Variants in MACROD2 observed in about 807,000 individuals in gnomAD.
MACROD2 encodes the protein ADP-ribose glycohydrolase MACROD2.
In MACROD2, 36 loss-of-function variants were observed where a neutral mutation model predicts 70.4. The observed-to-expected ratio is 0.51, with a 90% CI of 0.39 to 0.68. The LOEUF (loss-of-function observed/expected upper bound fraction) is 0.68, where lower values mean the gene tolerates loss of function less well. MACROD2 is among the 30% of genes least tolerant of loss of function. The probability of loss-of-function intolerance (pLI) is 0.00; values close to 1 mark genes in which losing one functional copy is unlikely to be tolerated. For synonymous variants in MACROD2, 172 were observed against 178.8 expected, an observed-to-expected ratio of 0.96 and a Z score of 0.30; for missense variants, 496 against 538.4, an observed-to-expected ratio of 0.92 and a Z score of 0.78.
At chr20:14,053,339 A>G (rs967151267) in intron 2 of MACROD2, 3 of 152,158 alleles carry the variant, frequency 2.0e-5, no homozygotes, top group Non-Finnish European at 2.9e-5. Flanking sequence ...GGAGTAAATT[A>G]AGGAATGATT....
At chr20:15,396,412 C>T (rs778204565) in intron 6 of MACROD2, among the ~76,000 whole-genome samples, 2 of 152,244 alleles carry the variant, frequency 1.3e-5, no homozygotes, top group African/African-American at 4.8e-5. Flanking sequence ...CATGTGAGAT[C>T]GTATTTGAAC....
chr20:15,025,481 A>T (rs1411360832), intron 5 of MACROD2, among the ~76,000 whole-genome samples: 4 of 147,032 alleles, frequency 2.7e-5, no homozygotes, highest in Non-Finnish European at 6.0e-5. Flanking sequence ...AATGAAACAA[A>T]GGGGGTGGGG....
At chr20:14,662,152 C>A (rs558440428) in intron 4 of MACROD2, among the ~76,000 whole-genome samples, 3 of 151,866 alleles carry the variant, frequency 2.0e-5, no homozygotes, top group South Asian at 4.1e-4. Flanking sequence ...TACCAACATC[C>A]GTGGAACAGA....
chr20:16,025,453 A>C (rs1324085523), intron 15 of MACROD2, among the ~76,000 whole-genome samples: 1 of 152,240 alleles, frequency 6.6e-6, no homozygotes, highest in Non-Finnish European at 1.5e-5. Context: ...AGCAGTCAAG[A>C]CAAAAGCAAT....
At chr20:14,783,882 A>AT (rs1361627054) in intron 5 of MACROD2, among the ~76,000 whole-genome samples, 3 of 152,062 alleles carry the variant, frequency 2.0e-5, no homozygotes, top group Admixed American at 2.0e-4. Flanking sequence ...TTACCCAACT[A>AT]TTGTCAGTAA....
chr20:14,761,767 C>G (rs1249340771), intron 5 of MACROD2, among the ~76,000 whole-genome samples: 1 of 152,148 alleles, frequency 6.6e-6, no homozygotes, highest in Admixed American at 6.5e-5. Flanking sequence ...AAACACACTA[C>G]TTGCCCTTGG....
intron 4 of MACROD2, among the ~76,000 whole-genome samples, chr20:14,494,863 C>G (rs936392628): frequency 6.6e-6 from 1 of 152,100 alleles, no homozygotes; most frequent in Non-Finnish European, 1.5e-5. Flanking sequence ...TTTTTTCTCT[C>G]TGTCTCTTGT....
At chr20:14,498,028 C>T (rs1744104246) in intron 4 of MACROD2, among the ~76,000 whole-genome samples, 1 of 151,684 alleles carries the variant, frequency 6.6e-6, no homozygotes, top group African/African-American at 2.4e-5. Flanking sequence ...GGTTCAGTGC[C>T]TTGTGTTAGT....
intron 7 of MACROD2, among the ~76,000 whole-genome samples, chr20:15,449,952 G>A (rs1460295109): frequency 2.0e-5 from 3 of 152,088 alleles, no homozygotes; most frequent in African/African-American, 4.8e-5. Context: ...CAAAGATTGC[G>A]CCACTGCACT....
chr20:14,341,197 A>G (rs2083009141), intron 3 of MACROD2, among the ~76,000 whole-genome samples: 1 of 152,238 alleles, frequency 6.6e-6, no homozygotes, highest in African/African-American at 2.4e-5. Context: ...TAGTAGGACT[A>G]GATGATCCCC....
At position 14,534,611 on chromosome 20, in the gene MACROD2, T is replaced by C. The variant is rs111504877; in HGVS notation, c.301+41103T>C. Among the ~76,000 whole-genome samples the C allele has an allele frequency of 1.8e-3, 275 of 152,380 alleles. 1 individual carries two copies. The highest frequency in any genetic ancestry group is 2.8e-3 in the Non-Finnish European group (191 of 68,038). On this transcript the variant is annotated intron_variant, in intron 4 of 17. Coordinates refer to ENST00000684519, the MANE Select transcript of MACROD2 (RefSeq NM_001351661.2). The stretch of plus-strand genomic sequence containing the variant: ...GCTTTATGTTTAGCATTTCAATGTG[T>C]AGCATTTCAATTGAGCATCTACTTT...
chr20:14,854,201 G>A (rs1349969077), intron 5 of MACROD2, among the ~76,000 whole-genome samples: 2 of 152,158 alleles, frequency 1.3e-5, no homozygotes, highest in East Asian at 3.9e-4. Flanking sequence ...GGAGAAAGCT[G>A]TGGTCAGATA....
At chr20:15,189,043 T>A (rs1394276603) in intron 5 of MACROD2, among the ~76,000 whole-genome samples, 1 of 152,190 alleles carries the variant, frequency 6.6e-6, no homozygotes, top group Non-Finnish European at 1.5e-5. Flanking sequence ...GGGTTCAGCA[T>A]GGTCATATGG....
chr20:14,288,508 A>G (rs967525924), intron 3 of MACROD2, among the ~76,000 whole-genome samples: 1 of 152,158 alleles, frequency 6.6e-6, no homozygotes, highest in East Asian at 1.9e-4. Context: ...GCCCCAGAAC[A>G]GGGTGTCTTA....
At chr20:15,127,964 A>G (rs1305708903) in intron 5 of MACROD2, among the ~76,000 whole-genome samples, 1 of 152,102 alleles carries the variant, frequency 6.6e-6, no homozygotes, top group African/African-American at 2.4e-5. Flanking sequence ...TGCTTCTTCT[A>G]GAATGTTGCT....
At chr20:14,405,435 A>G (rs2083681521) in intron 3 of MACROD2, among the ~76,000 whole-genome samples, 1 of 152,318 alleles carries the variant, frequency 6.6e-6, no homozygotes, top group Non-Finnish European at 1.5e-5. Flanking sequence ...GAAATATCCT[A>G]TAGGCATCTC....
At chr20:14,435,122 C>G (rs2084041762) in intron 3 of MACROD2, among the ~76,000 whole-genome samples, 1 of 152,202 alleles carries the variant, frequency 6.6e-6, no homozygotes, top group Non-Finnish European at 1.5e-5. Flanking sequence ...GCCACACTCA[C>G]TCCAAAGGCT....
chr20:15,723,400 A>G (rs188514852), intron 8 of MACROD2, among the ~76,000 whole-genome samples: 1 of 152,200 alleles, frequency 6.6e-6, no homozygotes, highest in African/African-American at 2.4e-5. Context: ...TATCTTACAG[A>G]GTATTTTCAC....
chr20:14,567,625 T>C (rs1238911202), intron 4 of MACROD2, among the ~76,000 whole-genome samples: 2 of 152,014 alleles, frequency 1.3e-5, no homozygotes, highest in Non-Finnish European at 2.9e-5. Context: ...TCCTTGTTGT[T>C]AATTATTTTG....
Sources: allele counts gnomAD v4.1 joint callset (sites outside exome capture counted in the v4.1 genomes callset), GRCh38; gene constraint gnomAD v4.1.1; transcripts MANE v1.5; gene names NCBI Gene and HGNC (gene_info 2026-07-23, HGNC 2026-07-21).